The following H6PD variants were observed in gnomAD, a reference collection of about 807,000 sequenced individuals.
H6PD encodes the protein GDH/6PGL endoplasmic bifunctional protein.
Under a neutral mutation model 61.2 loss-of-function variants are expected in H6PD, and 48 were observed. The observed-to-expected ratio is 0.78, with a 90% CI of 0.62 to 1.00. The LOEUF is 1.00. Ranked by LOEUF, H6PD falls within the 50% of genes least tolerant of loss-of-function variation. H6PD has a pLI of 0.00. For missense variants in H6PD, 1,093 were observed against 1,065.0 expected (o/e 1.03, Z -0.37); for synonymous variants, 480 against 457.9 (o/e 1.05, Z -0.62).
intron 3 of H6PD, among the ~76,000 whole-genome samples, chr1:9,252,160 C>T (rs1206999587): frequency 6.6e-6 from 1 of 152,086 alleles, no homozygotes; most frequent in Non-Finnish European, 1.5e-5. Context: ...TTCCACGTGA[C>T]TTATATTGGA....
intron 3 of H6PD, among the ~76,000 whole-genome samples, chr1:9,251,261 G>T (rs1641352564): frequency 6.6e-6 from 1 of 152,146 alleles, no homozygotes. Flanking sequence ...TGCCTTTTCT[G>T]TCGGGAGTGC....
chr1:9,247,233 ACC>A, intron 3 of H6PD, 150 bp downstream of exon 3: 1 of 603,758 alleles, frequency 1.7e-6, no homozygotes, highest in Non-Finnish European at 2.9e-6. Flanking sequence ...ACCGGGCTAA[ACC>A]CCAGGGTGCC....
intron 3 of H6PD, among the ~76,000 whole-genome samples, chr1:9,259,797 G>T (rs1401286884): frequency 6.6e-6 from 1 of 150,400 alleles, no homozygotes; most frequent in Non-Finnish European, 1.5e-5. Flanking sequence ...GTGTTGTTAT[G>T]TTGCTGTTGT....
chr1:9,264,639 G>A lies in H6PD; in HGVS notation c.2146G>A (p.Val716Ile), dbSNP rs1473929627. The change falls in exon 5 of 5, where the codon GTC becomes ATC. Residue 716 changes from valine (V) to isoleucine (I), a missense_variant. Transcript: ENST00000377403. ...SPTGLDGEQL[V>I]VLTTSPSQPH... ...CACTGGCCTGGATGGCGAGCAGCTGGTCGTGCTGACCACGAGCCCCTCCCA... is the reference window on the plus strand; with the variant it reads ...CACTGGCCTGGATGGCGAGCAGCTGATCGTGCTGACCACGAGCCCCTCCCA... The A allele has an allele frequency of 5.0e-6, 8 of 1,613,032 alleles. No individual in the cohort carries two copies. The highest frequency in any genetic ancestry group is 6.8e-6 in the Non-Finnish European group (8 of 1,179,924).
intron 1 of H6PD, among the ~76,000 whole-genome samples, chr1:9,243,188 G>T (rs1224271961): frequency 6.6e-6 from 1 of 152,140 alleles, no homozygotes; most frequent in Non-Finnish European, 1.5e-5. Context: ...ATGAGGAAGA[G>T]GCAGAGGGGG....
intron 1 of H6PD, 52 bp from the exon 2 acceptor site, chr1:9,244,873 G>T: frequency 6.4e-7 from 1 of 1,567,892 alleles, no homozygotes; most frequent in South Asian, 1.1e-5. Context: ...GTAGCCACCT[G>T]AACCATGTCT....
At chr1:9,236,901 A>G (rs1640863499) in intron 1 of H6PD, among the ~76,000 whole-genome samples, 1 of 152,176 alleles carries the variant, frequency 6.6e-6, no homozygotes, top group Non-Finnish European at 1.5e-5. Flanking sequence ...AAGGTCTTCC[A>G]CGTTTCAACA....
chr1:9,247,069 C>T lies in H6PD; in HGVS notation c.731C>T (p.Thr244Ile). The T allele has an allele frequency of 1.2e-6, 2 of 1,608,658 alleles. No homozygotes were observed. Among genetic ancestry groups the T allele is most frequent in the Non-Finnish European group, 1.7e-6 (2 of 1,174,994 alleles). ...CGGGTGGAGATCATCATGAAAGAGA[C>T]CGTGGATGCTGAAGGTGTGTGAGTG... ...VERVEIIMKETVDAEGRTSFY... is the reference protein window; with the variant it reads ...VERVEIIMKEIVDAEGRTSFY... The change falls in exon 3 of 5, where the codon ACC becomes ATC. Residue 244 changes from threonine to isoleucine, a missense_variant. Physicochemically the swap from Thr to Ile is moderately conservative, Grantham distance 89 (BLOSUM62 -1). Coordinates refer to ENST00000377403, the MANE Select transcript of H6PD (RefSeq NM_004285.4).
intron 2 of H6PD, among the ~76,000 whole-genome samples, chr1:9,246,202 C>G (rs1393643134): frequency 6.6e-6 from 1 of 152,194 alleles, no homozygotes; most frequent in African/African-American, 2.4e-5. Flanking sequence ...CTTCGGCCTC[C>G]CAAAGTGCTG....
chr1:9,262,657 C>T lies in H6PD; in HGVS notation c.1015+329C>T, dbSNP rs528116994. On this transcript the variant is annotated intron_variant, in intron 4 of 4. Coordinates refer to ENST00000377403, the MANE Select transcript of H6PD (RefSeq NM_004285.4). ...CCTCATAGGGTCTCCCCAGTGAGGC[C>T]GCAAGCCTTTTGCCTGGCCACAGCT... Among the ~76,000 whole-genome samples the T allele has an allele frequency of 3.0e-4, 46 of 152,288 alleles. No individual in the cohort carries two copies. In the South Asian group the frequency reaches 3.1e-3, roughly 10 times the overall value.
intron 4 of H6PD, 36 bp from the exon 5 acceptor site, chr1:9,263,473 G>A (rs1325059463): frequency 1.2e-6 from 2 of 1,606,200 alleles, no homozygotes; most frequent in South Asian, 1.1e-5. Context: ...CCTGGTCTGT[G>A]CCAGAGAGTC....
Position 9,264,579 on chromosome 1 carries a change from G to A in H6PD, c.2086G>A (p.Asp696Asn), listed in dbSNP as rs202128149. 7.3e-5 allele frequency: 118 copies of A among 1,613,262 alleles called. No individual in the cohort carries two copies. Among genetic ancestry groups the A allele is most frequent in the Admixed American group, 4.3e-4 (26 of 60,026 alleles). The change falls in exon 5 of 5, where the codon GAC (aspartate) becomes AAC (asparagine). Residue 696 changes from aspartate to asparagine, a missense_variant. Coordinates refer to ENST00000377403, the MANE Select transcript of H6PD (RefSeq NM_004285.4). The part of the protein sequence containing the change: ...FDLVLLGMGA[D>N]GHTASLFPQS... ...CCTGGTGCTGCTGGGCATGGGTGCC[G>A]ACGGGCACACAGCCTCCCTCTTCCC...
chr1:9,252,765 C>A (rs557212497), intron 3 of H6PD, among the ~76,000 whole-genome samples: 1 of 152,156 alleles, frequency 6.6e-6, no homozygotes, highest in Admixed American at 6.5e-5. Flanking sequence ...TGCTTTCTAG[C>A]TGTTACTCTC....
At chr1:9,243,894 G>C (rs6658895) in intron 1 of H6PD, among the ~76,000 whole-genome samples, 3 of 151,934 alleles carry the variant, frequency 2.0e-5, no homozygotes, top group African/African-American at 7.3e-5. Context: ...GGGGTCTGAC[G>C]TCAGGGTCAA....
intron 4 of H6PD, among the ~76,000 whole-genome samples, chr1:9,263,046 G>A (rs1638384499): frequency 6.6e-6 from 1 of 152,100 alleles, no homozygotes. Context: ...CCTCTGCTTG[G>A]TGACTCTCTC....
At chr1:9,238,939 C>T (rs1234357088) in intron 1 of H6PD, among the ~76,000 whole-genome samples, 4 of 152,098 alleles carry the variant, frequency 2.6e-5, no homozygotes, top group Non-Finnish European at 5.9e-5. Flanking sequence ...ATCTTCACCT[C>T]ATAGATGCAG....
At chr1:9,249,404 A>G (rs560953527) in intron 3 of H6PD, among the ~76,000 whole-genome samples, 1 of 152,318 alleles carries the variant, frequency 6.6e-6, no homozygotes, top group South Asian at 2.1e-4. Context: ...GTTTGCCGGG[A>G]CAGTCTGAGG....
chr1:9,244,841 A>G (rs1641110399), intron 1 of H6PD, 84 bp from the exon 2 acceptor site: 3 of 1,243,928 alleles, frequency 2.4e-6, no homozygotes, highest in South Asian at 2.4e-5. Context: ...CTTGCCAGGC[A>G]GGAAGTGTTT....
chr1:9,239,515 T>C (rs561493664), intron 1 of H6PD, among the ~76,000 whole-genome samples: 3 of 152,272 alleles, frequency 2.0e-5, no homozygotes, highest in East Asian at 1.9e-4. Flanking sequence ...AACAGGAAGA[T>C]TGCAAAAAAC....
Sources: allele counts gnomAD v4.1 joint callset (sites outside exome capture counted in the v4.1 genomes callset), GRCh38; gene constraint gnomAD v4.1.1; transcripts MANE v1.5; gene names NCBI Gene and HGNC (gene_info 2026-07-23, HGNC 2026-07-21).